Variants in CLEC16A observed in about 807,000 individuals in gnomAD.
CLEC16A encodes C-type lectin domain containing 16A, also known as protein CLEC16A.
CLEC16A carries 51 observed loss-of-function variants against 109.5 expected under a neutral mutation model. The ratio of observed to expected loss-of-function variants is 0.47; its 90% CI spans 0.37 to 0.59. CLEC16A has a LOEUF of 0.59. CLEC16A is among the 20% of genes least tolerant of loss of function. CLEC16A has a pLI of 0.00. For synonymous variants in CLEC16A, 673 were observed against 564.2 expected (o/e 1.19, Z -2.73); for missense variants, 1,339 against 1,394.0 (o/e 0.96, Z 0.63).
chr16:11,119,654 A>G (rs2052256610), intron 19 of CLEC16A, among the ~76,000 whole-genome samples: 1 of 152,122 alleles, frequency 6.6e-6, no homozygotes. Context: ...GGACTCCCAA[A>G]GTGCTGGAAT....
chr16:10,972,578 G>GT lies in CLEC16A; in HGVS notation c.604+23dup, dbSNP rs1567523538. ...GTGTCATGTAAGTTATTAACCTCTGGTTTTCTGCTTTCTTAATCTACCCTT... is the reference window on the plus strand; with the variant it reads ...GTGTCATGTAAGTTATTAACCTCTGGTTTTTCTGCTTTCTTAATCTACCCTT... On this transcript the variant is annotated intron_variant, in intron 6 of 23. Transcript: ENST00000409790. 6.2e-7 allele frequency: 1 copy of GT among 1,608,314 alleles called. No individual in the cohort carries two copies. Among genetic ancestry groups the GT allele is most frequent in the Admixed American group, 1.7e-5 (1 of 59,770 alleles).
intron 22 of CLEC16A, among the ~76,000 whole-genome samples, chr16:11,149,351 T>G (rs1174561369): frequency 6.6e-6 from 1 of 152,136 alleles, no homozygotes; most frequent in Non-Finnish European, 1.5e-5. Context: ...AAATGAAAAC[T>G]GAGAAGCTAC....
chr16:11,027,493 A>G lies in CLEC16A; in HGVS notation c.1537+2572A>G. 4 of 1,585,574 alleles carry G rather than the reference A, an allele frequency of 2.5e-6. No individual in the cohort carries two copies. The South Asian group carries it at 3.3e-5, about 13-fold the overall frequency. On this transcript the variant is annotated intron_variant, in intron 13 of 23. Transcript: ENST00000409790. ...CGAGAACTCATTTTGAAACGTGGAC[A>G]AGCCAAGGTCAAGAGTAAGACCATC...
At chr16:11,032,538 C>T (rs767266819) in intron 13 of CLEC16A, among the ~76,000 whole-genome samples, 6 of 152,176 alleles carry the variant, frequency 3.9e-5, no homozygotes, top group Non-Finnish European at 8.8e-5. Context: ...CTGAAGTGAA[C>T]AAGAAGATTA....
intron 10 of CLEC16A, among the ~76,000 whole-genome samples, chr16:10,998,360 A>G (rs977537399): frequency 9.9e-5 from 15 of 152,186 alleles, no homozygotes; most frequent in African/African-American, 3.6e-4. Flanking sequence ...GCAGTCAGCA[A>G]AGAGGCTCCT....
At chr16:11,018,365 G>C (rs1350009756) in intron 11 of CLEC16A, among the ~76,000 whole-genome samples, 4 of 151,934 alleles carry the variant, frequency 2.6e-5, no homozygotes. Context: ...ACTGAGCCTT[G>C]AATGATGCAC....
chr16:10,975,642 A>G (rs554065056), intron 7 of CLEC16A, among the ~76,000 whole-genome samples: 2 of 151,928 alleles, frequency 1.3e-5, no homozygotes, highest in Non-Finnish European at 2.9e-5. Context: ...ATATTTACCA[A>G]ATATCTTTTT....
chr16:11,058,448 T>C (rs1484588646), intron 18 of CLEC16A, among the ~76,000 whole-genome samples: 2 of 152,172 alleles, frequency 1.3e-5, no homozygotes, highest in Non-Finnish European at 2.9e-5. Flanking sequence ...AAATGCTATG[T>C]AAATAGTTTG....
At chr16:11,106,713 T>G (rs1597399741) in intron 19 of CLEC16A, among the ~76,000 whole-genome samples, 1 of 152,118 alleles carries the variant, frequency 6.6e-6, no homozygotes, top group Non-Finnish European at 1.5e-5. Context: ...TTTTAAAAAT[T>G]TATTTCAAAG....
At chr16:10,980,650 G>A (rs906941417) in intron 9 of CLEC16A, among the ~76,000 whole-genome samples, 1 of 152,088 alleles carries the variant, frequency 6.6e-6, no homozygotes, top group African/African-American at 2.4e-5. Context: ...TAAAGGACCA[G>A]TAGCCCATGC....
chr16:11,049,809 CAGG>C (rs1404560818), intron 17 of CLEC16A, among the ~76,000 whole-genome samples: 3 of 152,174 alleles, frequency 2.0e-5, no homozygotes, highest in Non-Finnish European at 4.4e-5. Flanking sequence ...TAGGGGGCAG[CAGG>C]AGTAGAGGGG....
intron 22 of CLEC16A, among the ~76,000 whole-genome samples, chr16:11,147,359 T>C (rs2054107924): frequency 6.6e-6 from 1 of 152,176 alleles, no homozygotes; most frequent in South Asian, 2.1e-4. Context: ...TGACCTGGGA[T>C]ATTTTCCTGT....
intron 9 of CLEC16A, among the ~76,000 whole-genome samples, chr16:10,979,957 A>G (rs925638724): frequency 1.3e-5 from 2 of 152,136 alleles, no homozygotes; most frequent in African/African-American, 4.8e-5. Flanking sequence ...TAATTATGTA[A>G]TATTTACAAG....
chr16:11,077,009 G>C (rs2049412678), intron 19 of CLEC16A, among the ~76,000 whole-genome samples: 1 of 152,216 alleles, frequency 6.6e-6, no homozygotes, highest in African/African-American at 2.4e-5. Flanking sequence ...GGCTTAGGAA[G>C]CACCTGAAAT....
chr16:10,957,075 G>A (rs764326513), intron 1 of CLEC16A, among the ~76,000 whole-genome samples: 1 of 152,218 alleles, frequency 6.6e-6, no homozygotes, highest in Non-Finnish European at 1.5e-5. Context: ...GGGATTACAG[G>A]CATGAGCCAC....
chr16:11,154,328 C>G (rs916030560), intron 22 of CLEC16A, among the ~76,000 whole-genome samples: 1 of 152,198 alleles, frequency 6.6e-6, no homozygotes, highest in African/African-American at 2.4e-5. Context: ...ATTCAACTCT[C>G]TATCAAAGAA....
At chr16:11,011,137 G>T (rs986359835) in intron 11 of CLEC16A, among the ~76,000 whole-genome samples, 1 of 152,208 alleles carries the variant, frequency 6.6e-6, no homozygotes, top group African/African-American at 2.4e-5. Flanking sequence ...TCCACAGGGA[G>T]ACACTTTGGG....
At chr16:11,123,182 G>A (rs570933101) in intron 20 of CLEC16A, among the ~76,000 whole-genome samples, 8 of 152,160 alleles carry the variant, frequency 5.3e-5, no homozygotes, top group African/African-American at 1.7e-4. Context: ...AATTATAGGC[G>A]TGAGCCACCG....
rs1251014085 is a variant in CLEC16A, at chr16:11,014,831, AG to A, written c.1304-5361del. On this transcript the variant is annotated intron_variant, in intron 11 of 23. Transcript: ENST00000409790. ...GGCCAGTGACAACAGGGACAATTGG[AG>A]TTGGGGCCCGGAGTGGCACAGAACC... Among the ~76,000 whole-genome samples the A allele has an allele frequency of 2.6e-5, 4 of 152,274 alleles. No homozygotes were observed. In the East Asian group the frequency reaches 5.8e-4, roughly 22 times the overall value.
Sources: allele counts gnomAD v4.1 joint callset (sites outside exome capture counted in the v4.1 genomes callset), GRCh38; gene constraint gnomAD v4.1.1; transcripts MANE v1.5; gene names NCBI Gene and HGNC (gene_info 2026-07-23, HGNC 2026-07-21).